Variants in UGT3A1 observed in about 807,000 individuals in gnomAD.
The protein encoded by UGT3A1 is UDP glycosyltransferase family 3 member A1.
UGT3A1 carries 40 observed loss-of-function variants against 37.6 expected under a neutral mutation model. The ratio of observed to expected loss-of-function variants is 1.06; its 90% CI spans 0.83 to 1.38. The LOEUF (loss-of-function observed/expected upper bound fraction) is 1.38, where lower values mean the gene tolerates loss of function less well. Among genes scored for constraint, UGT3A1 ranks in the 40% most tolerant of loss-of-function variants. The probability of loss-of-function intolerance (pLI) is 0.00; values close to 1 mark genes in which losing one functional copy is unlikely to be tolerated. For missense variants in UGT3A1, 642 were observed against 634.2 expected (o/e 1.01, Z -0.13); for synonymous variants, 256 against 232.3 (o/e 1.10, Z -0.93).
At chr5:35,985,973 T>C (rs1296399629) in intron 2 of UGT3A1, among the ~76,000 whole-genome samples, 1 of 152,154 alleles carries the variant, frequency 6.6e-6, no homozygotes, top group Non-Finnish European at 1.5e-5. Context: ...AATGGATTAA[T>C]AACCAGAATA....
chr5:35,995,219 T>A (rs1172320559), upstream of UGT3A1, among the ~76,000 whole-genome samples: 2 of 151,924 alleles, frequency 1.3e-5, no homozygotes, highest in Non-Finnish European at 2.9e-5. Flanking sequence ...TCAGATCTGT[T>A]CCCCCCTTCT....
At chr5:35,976,288 C>T (rs181630017) in intron 2 of UGT3A1, among the ~76,000 whole-genome samples, 27 of 152,242 alleles carry the variant, frequency 1.8e-4, no homozygotes, top group African/African-American at 6.3e-4. Flanking sequence ...GTTGCTCCTA[C>T]ACATTGGAGG....
chr5:35,964,895 A>C (rs1232350002), intron 4 of UGT3A1, among the ~76,000 whole-genome samples: 1 of 152,216 alleles, frequency 6.6e-6, no homozygotes, highest in African/African-American at 2.4e-5. Flanking sequence ...AGGTGGAACC[A>C]GGAGCCAGGG....
chr5:35,959,658 C>T lies in UGT3A1; in HGVS notation c.844-2239G>A, dbSNP rs146310390. ...GAAAGAAAAAGAAAAAAAGAATGAA[C>T]AAAATGTAAGGGACAATAGGACATT... On this transcript the variant is annotated intron_variant, in intron 4 of 6. Coordinates refer to ENST00000274278, the MANE Select transcript of UGT3A1 (RefSeq NM_152404.4). Among the ~76,000 whole-genome samples, 303 of 151,602 alleles carry T rather than the reference C, an allele frequency of 2.0e-3. 4 individuals are homozygous for T. Among genetic ancestry groups the T allele is most frequent in the African/African-American group, 7.2e-3 (297 of 41,352 alleles).
chr5:35,960,199 G>A (rs1202342844), intron 4 of UGT3A1, among the ~76,000 whole-genome samples: 1 of 152,098 alleles, frequency 6.6e-6, no homozygotes, highest in East Asian at 1.9e-4. Flanking sequence ...AAATGTGTAA[G>A]AAATATCAAG....
chr5:35,987,078 C>T (rs980397794), intron 2 of UGT3A1, among the ~76,000 whole-genome samples: 5 of 151,962 alleles, frequency 3.3e-5, no homozygotes, highest in South Asian at 2.1e-4. Context: ...AAAAATACTG[C>T]GCGTGAGCAC....
At chr5:35,991,757 G>T, upstream of UGT3A1, 1 of 510,574 alleles carries the variant, frequency 2.0e-6, no homozygotes, top group Non-Finnish European at 2.5e-6. Flanking sequence ...GGTGTCCCAA[G>T]CTCAAGATGT....
At chr5:35,958,177 CCTTT>C (rs573733494) in intron 4 of UGT3A1, among the ~76,000 whole-genome samples, 23 of 152,098 alleles carry the variant, frequency 1.5e-4, no homozygotes, top group Admixed American at 5.2e-4. Context: ...TTGTGTAATG[CCTTT>C]CTTTGTCTCT....
intron 2 of UGT3A1, among the ~76,000 whole-genome samples, chr5:35,981,429 G>A (rs952677651): frequency 2.7e-4 from 41 of 152,220 alleles, no homozygotes; most frequent in African/African-American, 8.2e-4. Context: ...TGGAAATGAC[G>A]AACTTATTGG....
chr5:35,955,349 G>T, intron 6 of UGT3A1: 1 of 562,004 alleles, frequency 1.8e-6, no homozygotes. Context: ...GAAACCCCCC[G>T]CTTCAGTTGG....
chr5:35,968,016 T>A lies in UGT3A1; in HGVS notation c.311+3A>T. 6.2e-7 allele frequency: 1 copy of A among 1,605,524 alleles called. No homozygotes were observed. The highest frequency in any genetic ancestry group is 8.5e-7 in the Non-Finnish European group (1 of 1,174,546). On this transcript the variant is annotated splice_donor_region_variant and intron_variant, in intron 3 of 6. Transcript: ENST00000274278. ...TTTGCTTCATAGAATGAAAAGAAGT[T>A]ACCTGCCATCCAATGCTGTTTCTAT... is the stretch of plus-strand genomic sequence containing the variant.
intron 4 of UGT3A1, among the ~76,000 whole-genome samples, chr5:35,964,411 C>A (rs1739713995): frequency 6.6e-6 from 1 of 152,090 alleles, no homozygotes; most frequent in African/African-American, 2.4e-5. Flanking sequence ...CGCTCCCTGA[C>A]CTGGGGTGCT....
rs700164 is a variant in UGT3A1 at position 35,954,486 on chromosome 5, C to T, written c.1296-8G>A. 391,903 of 1,611,878 alleles carry T rather than the reference C, an allele frequency of 0.24. 56,556 individuals carry two copies. The highest frequency in any genetic ancestry group is 0.65 in the East Asian group (29,129 of 44,748). ...ACCACTGCCGACTTGTACCTGTTGG[C>T]GGAGACAGAGAGGGTGTGTTACTGA... On this transcript the variant is annotated splice_polypyrimidine_tract_variant and splice_region_variant and intron_variant, in intron 6 of 6. Transcript: ENST00000274278.
Position 35,955,880 on chromosome 5 carries a change from AAG to A in UGT3A1, c.1076-18_1076-17del, listed in dbSNP as rs1414119110. 3 of 1,612,996 alleles carry A rather than the reference AAG, an allele frequency of 1.9e-6. No homozygotes were observed. Among genetic ancestry groups the A allele is most frequent in the East Asian group, 2.2e-5 (1 of 44,838 alleles). The stretch of plus-strand genomic sequence containing the variant: ...CTGGGGTGAGCTGTGGCAAATAAGA[AAG>A]AGAGTGGAACACTTCAGGATGAAAA... On this transcript the variant is annotated splice_polypyrimidine_tract_variant and intron_variant, in intron 5 of 6. Transcript: ENST00000274278.
upstream of UGT3A1, among the ~76,000 whole-genome samples, chr5:35,993,528 C>A (rs748353326): frequency 6.6e-6 from 1 of 152,094 alleles, no homozygotes; most frequent in Non-Finnish European, 1.5e-5. Flanking sequence ...TCCCTACCCA[C>A]CCCTTACATG....
chr5:35,999,084 A>C (rs1464386058), intron 1 of UGT3A1, among the ~76,000 whole-genome samples: 4 of 152,040 alleles, frequency 2.6e-5, no homozygotes, highest in Non-Finnish European at 4.4e-5. Context: ...AAAATACAAA[A>C]AAGTTAGCCG....
Position 35,965,935 on chromosome 5 carries a change from A to T in UGT3A1, c.312-18T>A, listed in dbSNP as rs774225561. 3.4e-6 allele frequency: 5 copies of T among 1,475,416 alleles called. No individual in the cohort carries two copies. The highest frequency in any genetic ancestry group is 4.5e-6 in the Non-Finnish European group (5 of 1,112,272). 91.4% of individuals were successfully genotyped at this position (1,475,416 alleles called of 1,614,324 possible). A position where few individuals can be genotyped will look rare whatever the true frequency, so the allele number is the denominator to read the frequency against. On this transcript the variant is annotated intron_variant, in intron 3 of 6. Transcript: ENST00000274278. ...ATTCTTTTCTGTAATAAAGAAAATA[A>T]ATAATAAATATTTGGGAAAGTGTAA...
intron 6 of UGT3A1, chr5:35,955,040 ACT>A (rs1739299946): frequency 6.3e-6 from 1 of 159,140 alleles, no homozygotes; most frequent in Admixed American, 6.0e-5. Flanking sequence ...TATGAAGCTG[ACT>A]CTCTACTCTT....
At chr5:35,991,089 C>T in intron 1 of UGT3A1, 58 bp downstream of exon 1, 1 of 1,614,116 alleles carries the variant, frequency 6.2e-7, no homozygotes, top group Middle Eastern at 1.7e-4. Flanking sequence ...CGCTGGAGCC[C>T]TGGCAGTGCG....
Sources: gnomAD v4.1 joint callset for allele counts (sites outside exome capture counted in the v4.1 genomes callset) on GRCh38, gnomAD v4.1.1 for gene constraint, MANE v1.5 for transcripts, NCBI Gene and HGNC (gene_info 2026-07-23, HGNC 2026-07-21) for gene names.